PEAK1: variants seen among roughly 807,000 people sequenced by gnomAD.
PEAK1 encodes the protein inactive tyrosine-protein kinase PEAK1.
PEAK1 carries 54 observed loss-of-function variants against 124.7 expected under a neutral mutation model. The ratio of observed to expected loss-of-function variants is 0.43; its 90% CI spans 0.35 to 0.54. The LOEUF (loss-of-function observed/expected upper bound fraction) is 0.54, where lower values mean the gene tolerates loss of function less well. Among genes scored for constraint, PEAK1 ranks in the 20% least tolerant of loss-of-function variants. The pLI is 0.01. For synonymous variants in PEAK1, 719 were observed against 760.0 expected (o/e 0.95, Z 0.89); for missense variants, 2,046 against 2,134.5 (o/e 0.96, Z 0.82).
intron 8 of PEAK1, among the ~76,000 whole-genome samples, chr15:77,138,744 C>T (rs2053536171): frequency 6.6e-6 from 1 of 152,004 alleles, no homozygotes; most frequent in Non-Finnish European, 1.5e-5. Context: ...TGCCTATAGT[C>T]CCAGCTACTC....
At chr15:77,352,999 A>T (rs910481123) in intron 2 of PEAK1, 7 of 985,116 alleles carry the variant, frequency 7.1e-6, no homozygotes, top group Non-Finnish European at 8.4e-6. Context: ...AGTGAGTAAA[A>T]CACTCTGGCA....
intron 6 of PEAK1, among the ~76,000 whole-genome samples, chr15:77,206,229 T>A (rs1055114726): frequency 2.8e-5 from 4 of 142,198 alleles, no homozygotes; most frequent in Admixed American, 1.5e-4. Flanking sequence ...TCTATCATTG[T>A]TGGACATTTG....
intron 1 of PEAK1, among the ~76,000 whole-genome samples, chr15:77,394,557 C>T (rs956977513): frequency 2.0e-5 from 3 of 152,168 alleles, no homozygotes; most frequent in South Asian, 4.1e-4. Flanking sequence ...CTGCAAAAGC[C>T]GGTGTTACTG....
intron 5 of PEAK1, among the ~76,000 whole-genome samples, chr15:77,264,028 G>A (rs1364812245): frequency 6.6e-6 from 1 of 152,128 alleles, no homozygotes; most frequent in Admixed American, 6.6e-5. Flanking sequence ...AATAGATGCA[G>A]AAAAGGCCTT....
rs780218686 is a variant in PEAK1 at position 77,133,364 on chromosome 15, T to C, written c.3718A>G (p.Thr1240Ala). 1.9e-6 allele frequency: 3 copies of C among 1,613,586 alleles called. No individual in the cohort carries two copies. The highest frequency in any genetic ancestry group is 2.7e-5 in the African/African-American group (2 of 74,714). The stretch of plus-strand genomic sequence containing the variant: ...GAAAATCTATCCTTAATACTGAGAG[T>C]GGTTAAGCTGGAAATGCTGTTTGCT... ...SAANSISSLT[T>A]LSIKDRFSNS... Residue 1240 changes from threonine to alanine, a missense_variant, in exon 9 of 10, where the codon ACT becomes GCT. By Grantham distance (58) the Thr-to-Ala change is moderately conservative. Transcript: ENST00000682557. This position sits in a 1 kb window ranked among gnomAD's most constrained non-coding sequence, Gnocchi z 4.2.
intron 2 of PEAK1, among the ~76,000 whole-genome samples, chr15:77,322,335 CAGGAGCTGGT>C (rs1212872376): frequency 3.9e-5 from 6 of 152,048 alleles, no homozygotes; most frequent in African/African-American, 1.4e-4. Flanking sequence ...TCAATGAATC[CAGGAGCTGGT>C]TTTTTGAAAG....
chr15:77,237,361 T>C (rs2060167366), intron 6 of PEAK1, among the ~76,000 whole-genome samples: 1 of 152,150 alleles, frequency 6.6e-6, no homozygotes, highest in Admixed American at 6.5e-5. Context: ...TGTAGGGCTC[T>C]TGGCATCATA....
At chr15:77,217,436 T>C (rs1247191886) in intron 6 of PEAK1, among the ~76,000 whole-genome samples, 1 of 152,076 alleles carries the variant, frequency 6.6e-6, no homozygotes, top group Non-Finnish European at 1.5e-5. Context: ...TTATTATGAG[T>C]GTTTTGAGAA....
At chr15:77,264,311 A>G (rs1205687942) in intron 5 of PEAK1, among the ~76,000 whole-genome samples, 6 of 152,106 alleles carry the variant, frequency 3.9e-5, no homozygotes, top group Non-Finnish European at 8.8e-5. Flanking sequence ...GAGGAAGTCA[A>G]ATTGTCCCTG....
chr15:77,380,032 C>T (rs1420623023), intron 1 of PEAK1, among the ~76,000 whole-genome samples: 2 of 152,154 alleles, frequency 1.3e-5, no homozygotes, highest in Non-Finnish European at 1.5e-5. Flanking sequence ...AATGTAAAAT[C>T]CTTACTATAT....
At chr15:77,116,928 C>A (rs1044543473) in intron 9 of PEAK1, among the ~76,000 whole-genome samples, 41 of 152,120 alleles carry the variant, frequency 2.7e-4, no homozygotes, top group African/African-American at 9.9e-4. Flanking sequence ...CTCTCGAAGT[C>A]TTAGTATATG....
chr15:77,286,376 T>A (rs2062932456), intron 3 of PEAK1, 47 bp downstream of exon 3: 1 of 1,013,576 alleles, frequency 9.9e-7, no homozygotes, highest in African/African-American at 1.7e-5. Context: ...AAAAGAGATT[T>A]AAGACCAGAA....
chr15:77,181,668 C>T lies in PEAK1; in HGVS notation c.259G>A (p.Gly87Ser). 1 of 1,614,062 alleles carries T rather than the reference C, an allele frequency of 6.2e-7. No individual in the cohort carries two copies. Among genetic ancestry groups the T allele is most frequent in the Non-Finnish European group, 8.5e-7 (1 of 1,180,010 alleles). ...MIVADGQSIC[G>S]ELSIQEHCEN... ...CAGTGTTCTTGGATGCTAAGCTCAC[C>T]ACATATACTTTGCCCATCTGCCACT... Residue 87 changes from glycine to serine, a missense_variant, in exon 7 of 10, where the codon GGT (glycine) becomes AGT (serine). Physicochemically the swap from Gly to Ser is moderately conservative, Grantham distance 56. Transcript: ENST00000682557.
chr15:77,106,664 A>G (rs950372859), downstream of PEAK1: 5 of 152,240 alleles, frequency 3.3e-5, no homozygotes, highest in Admixed American at 6.5e-5. Flanking sequence ...ACATCCGGCC[A>G]ACTTCTTTCA....
chr15:77,166,918 A>G (rs28635381), intron 7 of PEAK1, among the ~76,000 whole-genome samples: 7 of 152,232 alleles, frequency 4.6e-5, no homozygotes, highest in Admixed American at 4.6e-4. Context: ...CCAAACTTTC[A>G]TGTACCTAAG....
intron 9 of PEAK1, among the ~76,000 whole-genome samples, chr15:77,130,119 C>T (rs910320019): frequency 1.6e-4 from 24 of 152,162 alleles, no homozygotes; most frequent in African/African-American, 5.6e-4. Flanking sequence ...GAAATCAATA[C>T]CAGACCACTG....
Position 77,133,694 on chromosome 15 carries a change from C to G in PEAK1, c.3388G>C (p.Val1130Leu). 6.2e-7 allele frequency: 1 copy of G among 1,613,954 alleles called. No homozygotes were observed. The highest frequency in any genetic ancestry group is 8.5e-7 in the Non-Finnish European group (1 of 1,179,900). Residue 1130 changes from valine (V) to leucine (L), a missense_variant, in exon 9 of 10, where the codon GTG becomes CTG. Transcript: ENST00000682557. This position sits in a 1 kb window ranked among gnomAD's most constrained non-coding sequence, Gnocchi z 4.2. ...CCTCCAAAGGCGATGGCATCGTCCA[C>G]AGCTCCCTTGGGCTGTCGTGGCTGC... is the stretch of plus-strand genomic sequence containing the variant. ...PKQPRQPKGA[V>L]DDAIAFGGKT...
chr15:77,332,056 G>A (rs2065919614), intron 2 of PEAK1: 1 of 431,034 alleles, frequency 2.3e-6, no homozygotes, highest in African/African-American at 2.2e-5. Context: ...GGCCAACATG[G>A]CGAAACTGTC....
rs748387352 is a variant in PEAK1 at position 77,158,730 on chromosome 15, T to C, written c.3138-34A>G. 5 of 1,597,398 alleles carry C rather than the reference T, an allele frequency of 3.1e-6. No homozygotes were observed. In the Admixed American group the frequency reaches 6.7e-5, roughly 21 times the overall value. ...AATCAGACCACTTGTCACACTGGTA[T>C]TGGAAGGTTCTACTAAAATTTAGAT... On this transcript the variant is annotated intron_variant, in intron 7 of 9. Coordinates refer to ENST00000682557, the MANE Select transcript of PEAK1 (RefSeq NM_001385026.1).
Sources: allele counts gnomAD v4.1 joint callset (sites outside exome capture counted in the v4.1 genomes callset), GRCh38; gene constraint gnomAD v4.1.1; non-coding constraint Gnocchi (gnomAD v3.1); transcripts MANE v1.5; gene names NCBI Gene and HGNC (gene_info 2026-07-23, HGNC 2026-07-21).